GRIP1: variants seen among roughly 807,000 people sequenced by gnomAD.
The protein encoded by GRIP1 is glutamate receptor-interacting protein 1.
Under a neutral mutation model 129.9 loss-of-function variants are expected in GRIP1, and 45 were observed. That is an observed-to-expected ratio of 0.35 (90% CI 0.27 to 0.44). The LOEUF is 0.44. GRIP1 is among the 20% of genes least tolerant of loss of function. The pLI, the probability that GRIP1 is intolerant of heterozygous loss-of-function variation, is 1.00. For synonymous variants in GRIP1, 530 were observed against 520.8 expected, an observed-to-expected ratio of 1.02 and a Z score of -0.24; for missense variants, 1,196 against 1,396.8, an observed-to-expected ratio of 0.86 and a Z score of 2.29.
At chr12:67,009,352 G>A (rs1002946522) in intron 1 of GRIP1, among the ~76,000 whole-genome samples, 4 of 152,088 alleles carry the variant, frequency 2.6e-5, no homozygotes, top group African/African-American at 9.7e-5. Flanking sequence ...CTTATCTTTC[G>A]ATTAACTTTG....
chr12:66,475,990 C>A (rs57630867), intron 7 of GRIP1, among the ~76,000 whole-genome samples: 2,057 of 152,176 alleles, frequency 0.014, 55 homozygotes, highest in African/African-American at 0.047. Context: ...CATTCAAAAG[C>A]TAGCAGAAGG....
At chr12:66,758,247 T>C (rs971806808) in intron 1 of GRIP1, among the ~76,000 whole-genome samples, 7 of 152,160 alleles carry the variant, frequency 4.6e-5, no homozygotes, top group African/African-American at 1.7e-4. Flanking sequence ...AAGGCATTTC[T>C]TACATGGCAG....
intron 8 of GRIP1, 100 bp downstream of exon 8, chr12:66,465,175 A>C (rs2059251564): frequency 1.1e-6 from 1 of 933,848 alleles, no homozygotes; most frequent in East Asian, 2.6e-5. Flanking sequence ...CGAACTCCTG[A>C]CCTCAGGTGA....
chr12:66,959,897 T>C (rs901766642), intron 1 of GRIP1, among the ~76,000 whole-genome samples: 1 of 152,128 alleles, frequency 6.6e-6, no homozygotes, highest in African/African-American at 2.4e-5. Flanking sequence ...ATCTTCATTA[T>C]AGTAGCATTA....
At chr12:66,670,386 A>T (rs1276730063) in intron 1 of GRIP1, among the ~76,000 whole-genome samples, 1 of 152,318 alleles carries the variant, frequency 6.6e-6, no homozygotes, top group African/African-American at 2.4e-5. Flanking sequence ...GTCTATGCTG[A>T]TGTGGACTGC....
rs1041625645 is a variant in GRIP1 at position 67,034,616 on chromosome 12, G to A, written c.58+34434C>T. ...GCTTGCAGGACGGGGCCTTGAGCCA[G>A]GTGACTCAGTGAGTAAATGATGAGT... is the stretch of plus-strand genomic sequence containing the variant. On this transcript the variant is annotated intron_variant, in intron 1 of 1. Coordinates refer to the GRIP1 transcript ENST00000643019. Among the ~76,000 whole-genome samples the A allele has an allele frequency of 2.0e-5, 3 of 152,234 alleles. No individual in the cohort carries two copies. The East Asian group carries it at 5.8e-4, about 29-fold the overall frequency.
chr12:66,405,530 C>T lies in GRIP1; in HGVS notation c.1984+753G>A, dbSNP rs74097925. Among the ~76,000 whole-genome samples, 303 of 152,266 alleles carry T rather than the reference C, an allele frequency of 2.0e-3. 2 individuals carry two copies. Among genetic ancestry groups the T allele is most frequent in the African/African-American group, 6.7e-3 (279 of 41,564 alleles). The stretch of plus-strand genomic sequence containing the variant: ...TTATTAGGAATCCAGAATCTCAGGT[C>T]CCACCTGGGGTGGTGCCAGGATCTG... On this transcript the variant is annotated intron_variant, in intron 16 of 24. Transcript: ENST00000359742.
chr12:66,624,638 A>T (rs1008352490), intron 1 of GRIP1, among the ~76,000 whole-genome samples: 3 of 152,176 alleles, frequency 2.0e-5, no homozygotes, highest in African/African-American at 7.2e-5. Context: ...GGATAATAGC[A>T]TATACATTCA....
At chr12:66,784,164 G>A (rs2038245518) in intron 1 of GRIP1, among the ~76,000 whole-genome samples, 2 of 152,020 alleles carry the variant, frequency 1.3e-5, no homozygotes, top group South Asian at 4.1e-4. Flanking sequence ...TACATGAAAA[G>A]TAAAATAGGA....
At chr12:66,802,870 C>A (rs2038898270) in intron 1 of GRIP1, among the ~76,000 whole-genome samples, 1 of 152,202 alleles carries the variant, frequency 6.6e-6, no homozygotes, top group African/African-American at 2.4e-5. Context: ...TATCAGAACA[C>A]ATTATTCATG....
At chr12:66,651,089 G>T (rs2032761134) in intron 1 of GRIP1, among the ~76,000 whole-genome samples, 1 of 152,142 alleles carries the variant, frequency 6.6e-6, no homozygotes, top group Non-Finnish European at 1.5e-5. Flanking sequence ...TGATGTGCTA[G>T]CTCCTCCTAG....
chr12:66,933,527 T>C (rs2041434233), intron 1 of GRIP1, among the ~76,000 whole-genome samples: 1 of 152,172 alleles, frequency 6.6e-6, no homozygotes, highest in African/African-American at 2.4e-5. Flanking sequence ...AGGGTATACA[T>C]GTTATTCATA....
chr12:66,927,755 T>C (rs1237561376), intron 1 of GRIP1, among the ~76,000 whole-genome samples: 1 of 152,220 alleles, frequency 6.6e-6, no homozygotes, highest in African/African-American at 2.4e-5. Flanking sequence ...AGGCTTCCCC[T>C]CTACAGTGCA....
At chr12:66,458,181 C>G (rs934238729) in intron 9 of GRIP1, among the ~76,000 whole-genome samples, 2 of 151,542 alleles carry the variant, frequency 1.3e-5, no homozygotes, top group Non-Finnish European at 2.9e-5. Context: ...TCTGCTCCTT[C>G]TACTCAACTG....
At chr12:66,438,977 C>T (rs1345975690) in intron 13 of GRIP1, among the ~76,000 whole-genome samples, 1 of 152,112 alleles carries the variant, frequency 6.6e-6, no homozygotes, top group Non-Finnish European at 1.5e-5. Flanking sequence ...AATGGCTAAG[C>T]AGAACCATAA....
chr12:66,591,405 C>A (rs2063841532), intron 2 of GRIP1, among the ~76,000 whole-genome samples: 1 of 152,162 alleles, frequency 6.6e-6, no homozygotes, highest in African/African-American at 2.4e-5. Flanking sequence ...ATTGTCCTCA[C>A]TTTGGCCCAC....
intron 1 of GRIP1, among the ~76,000 whole-genome samples, chr12:67,057,069 G>C (rs1394846209): frequency 6.6e-6 from 1 of 152,122 alleles, no homozygotes; most frequent in Non-Finnish European, 1.5e-5. Flanking sequence ...GCCCACCTCG[G>C]CCTCCCTAGG....
chr12:67,029,978 A>T (rs939770956), intron 1 of GRIP1, among the ~76,000 whole-genome samples: 5 of 151,334 alleles, frequency 3.3e-5, no homozygotes, highest in African/African-American at 1.2e-4. Context: ...AGGCGGGTGG[A>T]TCACGAGGTC....
chr12:66,653,314 G>T (rs1246958432), intron 1 of GRIP1, among the ~76,000 whole-genome samples: 1 of 152,048 alleles, frequency 6.6e-6, no homozygotes. Flanking sequence ...TAAAACCAGG[G>T]CCTTTATAAA....
Sources: gnomAD v4.1 joint callset for allele counts (sites outside exome capture counted in the v4.1 genomes callset) on GRCh38, gnomAD v4.1.1 for gene constraint, MANE v1.5 for transcripts, NCBI Gene and HGNC (gene_info 2026-07-23, HGNC 2026-07-21) for gene names.